Variants in IGSF1 observed in about 807,000 individuals in gnomAD.
IGSF1 encodes the protein immunoglobulin superfamily member 1, also known as immunoglobulin-like domain-containing protein 1.
Under a neutral mutation model 95.3 loss-of-function variants are expected in IGSF1, and 40 were observed. The observed-to-expected ratio is 0.42, with a 90% confidence interval of 0.33 to 0.55. The LOEUF (loss-of-function observed/expected upper bound fraction) is 0.55, where lower values mean the gene tolerates loss of function less well. Ranked by LOEUF, IGSF1 falls within the 20% of genes least tolerant of loss-of-function variation. The pLI is 0.10. For synonymous variants in IGSF1, 372 were observed against 382.9 expected (o/e 0.97, Z 0.33); for missense variants, 906 against 1,025.4 (o/e 0.88, Z 1.59).
chrX:131,285,289 A>G lies in IGSF1; in HGVS notation c.557T>C (p.Ile186Thr), dbSNP rs1431699831. The part of the protein sequence containing the change: ...VPTGTMAIFS[I>T]DNLTPEDEGV... Reference sequence around the variant, plus strand: ...TTCATCCTCAGGTGTCAGGTTGTCAATGGAGAATATGGCCATTGTCCCAGT... The same window carrying G: ...TTCATCCTCAGGTGTCAGGTTGTCAGTGGAGAATATGGCCATTGTCCCAGT... Residue 186 changes from isoleucine to threonine, a missense_variant, in exon 5 of 20, where the codon ATT becomes ACT. Transcript: ENST00000361420. The G allele has an allele frequency of 8.3e-7, 1 of 1,210,647 alleles. No homozygotes were observed. Among genetic ancestry groups the G allele is most frequent in the Non-Finnish European group, 1.1e-6 (1 of 894,394 alleles).
In IGSF1 at chrX:131,282,708, G is replaced by A. The variant is rs761707873; in HGVS notation, c.982C>T (p.Arg328Trp). 19 of 1,206,000 alleles carry A rather than the reference G, an allele frequency of 1.6e-5. No individual in the cohort carries two copies. Among genetic ancestry groups the A allele is most frequent in the Admixed American group, 2.2e-5 (1 of 45,591 alleles). ...DTFPKTWLLA[R>W]PSAVVQMGQN... The stretch of plus-strand genomic sequence containing the variant: ...CCCATTTGGACCACAGCACTGGGCC[G>A]AGCAAGTAGCCAGGTCTTGGGGAAA... The change falls in exon 7 of 20, where the codon CGG becomes TGG. Residue 328 changes from arginine to tryptophan, a missense_variant. Physicochemically the swap from Arg to Trp is moderately radical, Grantham distance 101. This residue lies in a region of IGSF1 where 442 missense variants were observed against 448.1 expected (regional missense o/e 0.99). Coordinates refer to ENST00000361420, the MANE Select transcript of IGSF1 (RefSeq NM_001555.5).
intron 17 of IGSF1, 44 bp from the exon 18 acceptor site, chrX:131,274,921 CT>C: frequency 7.5e-6 from 9 of 1,201,903 alleles, no homozygotes; most frequent in Non-Finnish European, 1.0e-5. Flanking sequence ...TGATCCTGAA[CT>C]TAGCCTTTTA....
In IGSF1 at chrX:131,276,928, C is replaced by A. The variant is rs1402131734; in HGVS notation, c.2608+11G>T. ...TTGGCACCACCTCTACCTGGAGTCC[C>A]CCCTCCTAACCTGTCACCACGAGCT... On this transcript the variant is annotated intron_variant, in intron 14 of 19. Coordinates refer to ENST00000361420, the MANE Select transcript of IGSF1 (RefSeq NM_001555.5). 1.7e-6 allele frequency: 2 copies of A among 1,205,461 alleles called. No homozygotes were observed. Among genetic ancestry groups the A allele is most frequent in the South Asian group, 3.6e-5 (2 of 56,048 alleles).
At chrX:131,284,989 C>T in intron 5 of IGSF1, 190 bp downstream of exon 5, 2 of 819,221 alleles carry the variant, frequency 2.4e-6, no homozygotes, top group Non-Finnish European at 3.2e-6. Flanking sequence ...ATGATTGGCT[C>T]CCATACATCT....
chrX:131,286,730 A>C lies in IGSF1; in HGVS notation c.-56T>G. ...GTCTTGAAGAATTTTTCTCCTCAGC[A>C]GGTGGTGGGATCTAAAAGCAGAATT... On this transcript the variant is annotated 5_prime_UTR_variant, in exon 2 of 20. Transcript: ENST00000361420. The C allele has an allele frequency of 9.9e-7, 1 of 1,005,332 alleles. No individual in the cohort carries two copies. The highest frequency in any genetic ancestry group is 1.3e-6 in the Non-Finnish European group (1 of 747,081). 82.9% of individuals were successfully genotyped at this position (1,005,332 alleles called of 1,213,427 possible).
intron 7 of IGSF1, 137 bp downstream of exon 7, chrX:131,282,307 G>C: frequency 6.6e-6 from 3 of 456,717 alleles, no homozygotes; most frequent in Non-Finnish European, 1.1e-5. Context: ...CACCTTCCTA[G>C]TGCGTGTGTG....
At position 131,275,623 on chromosome X, in the gene IGSF1, G is replaced by C. The variant is rs1316703376; in HGVS notation, c.3039C>G (p.Leu1013=). 5 of 1,211,435 alleles carry C rather than the reference G, an allele frequency of 4.1e-6. No individual in the cohort carries two copies. In the South Asian group the frequency reaches 8.8e-5, roughly 21 times the overall value. Residue 1013 remains leucine (L), a synonymous_variant, in exon 16 of 20, where the codon CTC becomes CTG. Transcript: ENST00000361420. ...CCCCGTCATTACTGGTGGATCCCCA[G>C]AGCTGCATTGAAGTGGCTTCTCCTT... ...HKEGEATSMQ[L]WGSTSNDGAF...
intron 9 of IGSF1, 130 bp downstream of exon 9, chrX:131,281,088 G>A: frequency 1.4e-6 from 1 of 725,114 alleles, no homozygotes; most frequent in South Asian, 2.6e-5. Context: ...GGGTGAGAAA[G>A]TCTTGTTCCC....
chrX:131,276,841 T>C (rs2080481431), intron 14 of IGSF1, 98 bp downstream of exon 14: 1 of 849,211 alleles, frequency 1.2e-6, no homozygotes, highest in African/African-American at 2.0e-5. Flanking sequence ...ACGTTCTCAG[T>C]GTGTTTTAGA....
chrX:131,288,054 C>T (rs1263496948), intron 1 of IGSF1, among the ~76,000 whole-genome samples: 1 of 111,755 alleles, frequency 8.9e-6, no homozygotes, highest in Non-Finnish European at 1.9e-5. Flanking sequence ...GAGGATATTT[C>T]GTGTTCAAAA....
intron 13 of IGSF1, chrX:131,277,600 G>A (rs1406405779): frequency 2.6e-6 from 1 of 387,113 alleles, no homozygotes; most frequent in African/African-American, 2.5e-5. Context: ...GGTGAAGTGA[G>A]ATAATTGATG....
intron 5 of IGSF1, among the ~76,000 whole-genome samples, 157 bp from the exon 6 acceptor site, chrX:131,283,421 A>G (rs1334284711): frequency 8.9e-6 from 1 of 112,085 alleles, no homozygotes; most frequent in Non-Finnish European, 1.9e-5. Context: ...TAACATAATC[A>G]AGGGTAGATT....
rs894394230 is a variant in IGSF1 at position 131,280,849 on chromosome X, G to A, written c.1646+369C>T. On this transcript the variant is annotated intron_variant, in intron 9 of 19. Coordinates refer to ENST00000361420, the MANE Select transcript of IGSF1 (RefSeq NM_001555.5). ...GGGATAGGAGTTGGATAACAGTCTG[G>A]GAGACAGGACAGCATGGCTTCTTAC... 3.4e-5 allele frequency: 5 copies of A among 147,864 alleles called. No individual in the cohort carries two copies. The Admixed American group carries it at 3.9e-4, about 11-fold the overall frequency. The allele number at this position is 147,864 out of a possible 1,213,427, so 12.2% of individuals were successfully genotyped here. A position where few individuals can be genotyped will look rare whatever the true frequency, so the allele number is the denominator to read the frequency against.
At position 131,287,163 on chromosome X, in the gene IGSF1, A is replaced by G. The variant is rs747792698; in HGVS notation, c.-67-422T>C. Among the ~76,000 whole-genome samples, 707 of 79,977 alleles carry G rather than the reference A, an allele frequency of 8.8e-3. 6 individuals are homozygous for G. Among genetic ancestry groups the G allele is most frequent in the Non-Finnish European group, 0.01 (416 of 40,858 alleles). 69.5% of individuals were successfully genotyped at this position (79,977 alleles called of 115,157 possible). The stretch of plus-strand genomic sequence containing the variant: ...TATGTGTGTATATATATACGTATAT[A>G]TGTGTGTGTGTGTGTATATATATAT... On this transcript the variant is annotated intron_variant, in intron 1 of 19. Transcript: ENST00000361420.
intron 5 of IGSF1, chrX:131,284,388 C>T (rs2080604091): frequency 2.5e-5 from 9 of 365,053 alleles, no homozygotes; most frequent in Non-Finnish European, 3.2e-5. Flanking sequence ...AAGTGACTTG[C>T]TCAAGACCAC....
At chrX:131,279,974 T>A (rs1327874455) in intron 9 of IGSF1, among the ~76,000 whole-genome samples, 1 of 111,808 alleles carries the variant, frequency 8.9e-6, no homozygotes, top group Non-Finnish European at 1.9e-5. Flanking sequence ...ATGAGTCTTG[T>A]AGTATTAGAT....
chrX:131,276,473 T>C (rs774299862), intron 14 of IGSF1, among the ~76,000 whole-genome samples: 5 of 112,217 alleles, frequency 4.5e-5, no homozygotes, highest in African/African-American at 1.6e-4. Context: ...CATGTAGCTA[T>C]AACTGTTTAC....
chrX:131,289,344 C>T (rs2080689271), upstream of IGSF1: 1 of 369,041 alleles, frequency 2.7e-6, no homozygotes, highest in South Asian at 2.4e-5. Flanking sequence ...CCTCTCTCCC[C>T]CGCCCGCCTG....
At chrX:131,276,802 G>T (rs1425804261) in intron 14 of IGSF1, 137 bp downstream of exon 14, 5 of 566,429 alleles carry the variant, frequency 8.8e-6, no homozygotes, top group Non-Finnish European at 5.7e-6. Context: ...TCATGGACTG[G>T]TCACTATGGG....
Sources: gnomAD v4.1 joint callset for allele counts (sites outside exome capture counted in the v4.1 genomes callset) on GRCh38, gnomAD v4.1.1 for gene constraint, gnomAD v4.1.1 regional missense constraint, MANE v1.5 for transcripts, NCBI Gene and HGNC (gene_info 2026-07-23, HGNC 2026-07-21) for gene names.